STAMBP: variants seen among roughly 807,000 people sequenced by gnomAD.
STAMBP encodes the protein STAM binding protein.
A neutral mutation model predicts 50.7 loss-of-function variants in STAMBP; 31 were observed. The ratio of observed to expected loss-of-function variants is 0.61; its 90% CI spans 0.46 to 0.83. STAMBP has a LOEUF of 0.83. Among genes scored for constraint, STAMBP ranks in the 40% least tolerant of loss-of-function variants. The pLI is 0.00. For missense variants in STAMBP, 472 were observed against 518.9 expected (o/e 0.91, Z 0.88); for synonymous variants, 211 against 192.4 (o/e 1.10, Z -0.80).
chr2:73,839,279 G>T (rs1208732643), intron 2 of STAMBP, among the ~76,000 whole-genome samples: 1 of 152,176 alleles, frequency 6.6e-6, no homozygotes, highest in Non-Finnish European at 1.5e-5. Flanking sequence ...AAAGAGTTCA[G>T]CATATTAAAT....
intron 2 of STAMBP, among the ~76,000 whole-genome samples, chr2:73,840,432 A>ATT (rs1262114913): frequency 1.3e-5 from 2 of 151,824 alleles, no homozygotes; most frequent in African/African-American, 4.8e-5. Context: ...TAGAGATAGA[A>ATT]TTGTGAGTTT....
chr2:73,872,780 G>A (rs1179279217), intron 10 of STAMBP, among the ~76,000 whole-genome samples: 1 of 152,184 alleles, frequency 6.6e-6, no homozygotes, highest in Admixed American at 6.5e-5. Flanking sequence ...AAGGATTTCA[G>A]ACAGATTCCT....
chr2:73,861,686 A>G (rs1178254702), intron 9 of STAMBP, among the ~76,000 whole-genome samples: 1 of 126,670 alleles, frequency 7.9e-6, no homozygotes. Context: ...ACCGGGTTAA[A>G]TTTTTTTTTT....
intron 2 of STAMBP, among the ~76,000 whole-genome samples, chr2:73,837,001 A>C (rs183513460): frequency 2.0e-4 from 30 of 152,356 alleles, no homozygotes; most frequent in African/African-American, 7.2e-4. Context: ...GGAACCTCAC[A>C]GAGATTCATT....
intron 8 of STAMBP, 47 bp from the exon 9 acceptor site, chr2:73,860,005 G>C: frequency 7.0e-7 from 1 of 1,419,570 alleles, no homozygotes; most frequent in Non-Finnish European, 9.9e-7. Context: ...GTTTGGGATG[G>C]AGGGACACCT....
rs867421188 is a variant in STAMBP, at chr2:73,834,236, A to T, written c.203+3177A>T. 9.6e-4 allele frequency among the ~76,000 whole-genome samples: 35 copies of T among 36,334 alleles called. 1 individual carries two copies. Among genetic ancestry groups the T allele is most frequent in the African/African-American group, 3.8e-3 (23 of 6,038 alleles). The allele number at this position is 36,334 out of a possible 152,430, so 23.8% of individuals were successfully genotyped here. On this transcript the variant is annotated intron_variant, in intron 2 of 9. Coordinates refer to ENST00000394070, the MANE Select transcript of STAMBP (RefSeq NM_213622.4). ...AAAAAAAAAAAAAAAAAAAAAAAAA[A>T]ATATATATATATATATATATATATA...
downstream of STAMBP, chr2:73,867,203 C>T (rs1213246401): frequency 6.6e-6 from 1 of 152,172 alleles, no homozygotes; most frequent in East Asian, 1.9e-4. Flanking sequence ...GGGAGAAGTG[C>T]AACAAATGTG....
intron 2 of STAMBP, among the ~76,000 whole-genome samples, chr2:73,836,829 C>T (rs1215477826): frequency 2.6e-5 from 4 of 152,206 alleles, no homozygotes; most frequent in Admixed American, 6.5e-5. Flanking sequence ...GCCATCTCCA[C>T]TTCAACCCCT....
rs368769707 is a variant in STAMBP, at chr2:73,845,236, G to A, written c.349G>A (p.Glu117Lys). Residue 117 changes from glutamate to lysine, a missense_variant, in exon 4 of 10, where the codon GAA becomes AAA. Physicochemically the swap from Glu to Lys is moderately conservative, Grantham distance 56. Coordinates refer to ENST00000394070, the MANE Select transcript of STAMBP (RefSeq NM_213622.4). ...KAELLKRYTK[E>K]YTEYNEEKKK... ...AGAGCTGTTAAAACGATATACCAAA[G>A]AATATACAGAATATAATGAAGAAAA... The A allele has an allele frequency of 6.2e-7, 1 of 1,613,472 alleles. No individual in the cohort carries two copies. The highest frequency in any genetic ancestry group is 8.5e-7 in the Non-Finnish European group (1 of 1,179,514).
At chr2:73,853,292 A>G (rs997121025) in intron 7 of STAMBP, among the ~76,000 whole-genome samples, 5 of 152,214 alleles carry the variant, frequency 3.3e-5, no homozygotes, top group Non-Finnish European at 7.3e-5. Flanking sequence ...CTCTAGAGGA[A>G]AGGAGAAACA....
rs1678746109 is a variant in STAMBP at position 73,865,103 on chromosome 2, TA to T, written c.*2846del. On this transcript the variant is annotated 3_prime_UTR_variant, in exon 10 of 10. Coordinates refer to ENST00000394070, the MANE Select transcript of STAMBP (RefSeq NM_213622.4). ...TTTGGTACCACAGAATTTAAAATTG[TA>T]AGTGCCTATCCCTTTTGACTGTTGA... The T allele has an allele frequency of 6.6e-6, 1 of 152,214 alleles. No individual in the cohort carries two copies. Among genetic ancestry groups the T allele is most frequent in the Admixed American group, 6.5e-5 (1 of 15,282 alleles). The allele number at this position is 152,214 out of a possible 1,614,324, so 9.4% of individuals were successfully genotyped here. A position where few individuals can be genotyped will look rare whatever the true frequency, so the allele number is the denominator to read the frequency against.
intron 4 of STAMBP, 132 bp downstream of exon 4, chr2:73,845,394 C>T (rs562021377): frequency 1.5e-6 from 1 of 652,458 alleles, no homozygotes; most frequent in Non-Finnish European, 2.7e-6. Flanking sequence ...AGACCAGAAA[C>T]TCAAAAAAGT....
At chr2:73,855,508 C>G in intron 7 of STAMBP, 1 of 428,404 alleles carries the variant, frequency 2.3e-6, no homozygotes, top group East Asian at 7.1e-5. Context: ...TATTATCTTT[C>G]TGGCTACCCA....
At chr2:73,834,841 A>T (rs569157991) in intron 2 of STAMBP, among the ~76,000 whole-genome samples, 1 of 152,170 alleles carries the variant, frequency 6.6e-6, no homozygotes, top group Admixed American at 6.5e-5. Context: ...TGTGTTTAGA[A>T]GTGCTTAGAT....
At position 73,844,887 on chromosome 2, in the gene STAMBP, A is replaced by C. The variant is rs763764200; in HGVS notation, c.278A>C (p.Lys93Thr). 6.2e-7 allele frequency: 1 copy of C among 1,613,692 alleles called. No homozygotes were observed. Among genetic ancestry groups the C allele is most frequent in the Admixed American group, 1.7e-5 (1 of 59,972 alleles). ...ATTCCTGAAAAGAAAGACACAGTAA[A>C]GGTGGGTCTTCACTTTCATTGTTGC... ...AVIPEKKDTV[K>T]KLKEIAFPKA... Residue 93 changes from lysine to threonine, a missense_variant and splice_region_variant, in exon 3 of 10, where the codon AAG becomes ACG. Physicochemically the swap from Lys to Thr is moderately conservative, Grantham distance 78. Coordinates refer to ENST00000394070, the MANE Select transcript of STAMBP (RefSeq NM_213622.4).
intron 7 of STAMBP, among the ~76,000 whole-genome samples, chr2:73,851,991 G>A (rs1476736406): frequency 6.6e-6 from 1 of 152,174 alleles, no homozygotes; most frequent in Non-Finnish European, 1.5e-5. Flanking sequence ...GGTCTGGGGT[G>A]GACAGGCAGA....
rs768957874 is a variant in STAMBP, at chr2:73,862,261, C to T, written c.*2C>T. On this transcript the variant is annotated 3_prime_UTR_variant, in exon 10 of 10. Coordinates refer to ENST00000394070, the MANE Select transcript of STAMBP (RefSeq NM_213622.4). ...GTGACCATCACAGACCTTCGATGAG[C>T]GTTTGAGTCCAACACCTTCCAAGAA... The T allele has an allele frequency of 4.3e-6, 7 of 1,610,576 alleles. No individual in the cohort carries two copies. Among genetic ancestry groups the T allele is most frequent in the East Asian group, 2.2e-5 (1 of 44,800 alleles).
In STAMBP at chr2:73,862,991, T is replaced by C. The variant is rs1678515513; in HGVS notation, c.*732T>C. On this transcript the variant is annotated 3_prime_UTR_variant, in exon 10 of 10. Coordinates refer to ENST00000394070, the MANE Select transcript of STAMBP (RefSeq NM_213622.4). ...TGAAGGAAAAATGGAATTTGAGATATACTGACACTGATGGTGTGTCCCAGT... is the reference window on the plus strand; with the variant it reads ...TGAAGGAAAAATGGAATTTGAGATACACTGACACTGATGGTGTGTCCCAGT... 1 of 152,236 alleles carries C rather than the reference T, an allele frequency of 6.6e-6. No individual in the cohort carries two copies. Among genetic ancestry groups the C allele is most frequent in the African/African-American group, 2.4e-5 (1 of 41,464 alleles). 9.4% of individuals were successfully genotyped at this position (152,236 alleles called of 1,614,324 possible). A position where few individuals can be genotyped will look rare whatever the true frequency, so the allele number is the denominator to read the frequency against.
rs1678939386 is a variant in STAMBP, at chr2:73,866,775, G to A, written c.*4516G>A. 6.6e-6 allele frequency: 1 copy of A among 152,318 alleles called. No homozygotes were observed. Among genetic ancestry groups the A allele is most frequent in the Non-Finnish European group, 1.5e-5 (1 of 68,114 alleles). The allele number at this position is 152,318 out of a possible 1,614,324, so 9.4% of individuals were successfully genotyped here. A position where few individuals can be genotyped will look rare whatever the true frequency, so the allele number is the denominator to read the frequency against. On this transcript the variant is annotated 3_prime_UTR_variant, in exon 10 of 10. Transcript: ENST00000394070. ...TGAAAGAGGGAGCTGGAAGTAGGAG[G>A]AGACAAGGAGATAGTGACACCAGTA...
Sources: gnomAD v4.1 joint callset for allele counts (sites outside exome capture counted in the v4.1 genomes callset) on GRCh38, gnomAD v4.1.1 for gene constraint, MANE v1.5 for transcripts, NCBI Gene and HGNC (gene_info 2026-07-23, HGNC 2026-07-21) for gene names.